The following UGT2B4 variants were observed in gnomAD, a reference collection of about 807,000 sequenced individuals.
UGT2B4 encodes the protein UDP glucuronosyltransferase family 2 member B4, also known as UDP-glucuronosyltransferase 2B4.
A neutral mutation model predicts 49.8 loss-of-function variants in UGT2B4; 49 were observed. The ratio of observed to expected loss-of-function variants is 0.98; its 90% CI spans 0.78 to 1.25. The LOEUF (loss-of-function observed/expected upper bound fraction) is 1.25, where lower values mean the gene tolerates loss of function less well. Among genes scored for constraint, UGT2B4 ranks in the 50% most tolerant of loss-of-function variants. The pLI, the probability that UGT2B4 is intolerant of heterozygous loss-of-function variation, is 0.00. For synonymous variants in UGT2B4, 246 were observed against 217.7 expected, an observed-to-expected ratio of 1.13 and a Z score of -1.14; for missense variants, 729 against 627.7, an observed-to-expected ratio of 1.16 and a Z score of -1.73.
At chr4:69,509,995 T>C (rs1315135603) in intron 1 of UGT2B4, among the ~76,000 whole-genome samples, 2 of 152,176 alleles carry the variant, frequency 1.3e-5, no homozygotes, top group African/African-American at 4.8e-5. Flanking sequence ...AAGTCCTATG[T>C]TTAAGACTTT....
intron 1 of UGT2B4, among the ~76,000 whole-genome samples, chr4:69,505,086 A>G (rs9996012): frequency 0.2 from 29,734 of 152,166 alleles, 2,979 homozygotes; most frequent in Middle Eastern, 0.26. Flanking sequence ...GTAGAAGGAA[A>G]AAAAAGAAAA....
chr4:69,502,402 G>A (rs1000384422), intron 1 of UGT2B4, among the ~76,000 whole-genome samples: 1 of 151,712 alleles, frequency 6.6e-6, no homozygotes, highest in Non-Finnish European at 1.5e-5. Flanking sequence ...TTAGAGGTGT[G>A]TTTGGGCCAG....
chr4:69,491,286 T>A (rs1159558292), intron 2 of UGT2B4, among the ~76,000 whole-genome samples: 1 of 152,112 alleles, frequency 6.6e-6, no homozygotes, highest in South Asian at 2.1e-4. Flanking sequence ...AAAATTATTG[T>A]AATGCTATAG....
At chr4:69,510,917 TTTG>T (rs1397672463) in intron 1 of UGT2B4, among the ~76,000 whole-genome samples, 1 of 151,948 alleles carries the variant, frequency 6.6e-6, no homozygotes, top group African/African-American at 2.4e-5. Flanking sequence ...TCAGTTTGTT[TTTG>T]TTGTTGTTGT....
chr4:69,481,236 T>C (rs1717942449), intron 5 of UGT2B4, among the ~76,000 whole-genome samples: 1 of 150,874 alleles, frequency 6.6e-6, no homozygotes, highest in South Asian at 2.1e-4. Context: ...ACCACTGCAC[T>C]CCAGCCTGGT....
At chr4:69,487,430 C>T (rs1347453671) in intron 3 of UGT2B4, among the ~76,000 whole-genome samples, 3 of 152,086 alleles carry the variant, frequency 2.0e-5, no homozygotes, top group African/African-American at 4.8e-5. Flanking sequence ...AGAACAAGAT[C>T]ATGTATTTTT....
exon 1 of UGT2B4, chr4:69,525,762 A>T (rs200997009): frequency 3.2e-6 from 4 of 1,239,500 alleles, no homozygotes; most frequent in African/African-American, 3.1e-5. Flanking sequence ...AGCAGCTCAC[A>T]TGTTTATATT....
chr4:69,505,748 C>T (rs1051230363), intron 1 of UGT2B4, among the ~76,000 whole-genome samples: 2 of 152,072 alleles, frequency 1.3e-5, no homozygotes, highest in African/African-American at 4.8e-5. Context: ...CCACCCCAAA[C>T]AGAAGAATAT....
intron 1 of UGT2B4, among the ~76,000 whole-genome samples, chr4:69,506,094 T>G (rs891241555): frequency 6.6e-6 from 1 of 152,072 alleles, no homozygotes; most frequent in African/African-American, 2.4e-5. Flanking sequence ...GGAAAATGTA[T>G]AGGACTAAAT....
intron 1 of UGT2B4, among the ~76,000 whole-genome samples, chr4:69,506,822 C>T (rs1180254780): frequency 6.6e-6 from 1 of 152,142 alleles, no homozygotes; most frequent in Non-Finnish European, 1.5e-5. Flanking sequence ...CAAATATCCT[C>T]AACAACACAC....
At chr4:69,514,912 C>T (rs990129452) in intron 1 of UGT2B4, among the ~76,000 whole-genome samples, 26 of 152,090 alleles carry the variant, frequency 1.7e-4, no homozygotes, top group African/African-American at 5.1e-4. Context: ...CAACAAAGAT[C>T]GTTAAGGAAA....
intron 2 of UGT2B4, among the ~76,000 whole-genome samples, chr4:69,489,850 T>TA (rs1727928792): frequency 6.6e-6 from 1 of 152,100 alleles, no homozygotes; most frequent in Admixed American, 6.6e-5. Context: ...TTTGAGGAGA[T>TA]ACCCAAACTC....
upstream of UGT2B4, among the ~76,000 whole-genome samples, chr4:69,496,829 G>T (rs979412373): frequency 3.3e-5 from 5 of 152,048 alleles, no homozygotes; most frequent in South Asian, 2.1e-4. Flanking sequence ...TATTTTAAAG[G>T]TTCATTTATG....
intron 5 of UGT2B4, among the ~76,000 whole-genome samples, chr4:69,482,353 A>G (rs759750586): frequency 6.6e-6 from 1 of 152,208 alleles, no homozygotes; most frequent in African/African-American, 2.4e-5. Flanking sequence ...CATAAAACAC[A>G]TAACATAAGT....
chr4:69,504,842 G>A (rs1308660262), intron 1 of UGT2B4, among the ~76,000 whole-genome samples: 1 of 151,922 alleles, frequency 6.6e-6, no homozygotes, highest in Non-Finnish European at 1.5e-5. Flanking sequence ...AAATGTTACA[G>A]AAAGATAGTG....
intron 5 of UGT2B4, 56 bp downstream of exon 5, chr4:69,485,152 A>G: frequency 6.3e-7 from 1 of 1,580,004 alleles, no homozygotes; most frequent in Non-Finnish European, 8.7e-7. Flanking sequence ...CATACTCACT[A>G]TTCACAAGGG....
chr4:69,502,122 T>TTTCTTTCTTTCTTTCTTTC lies in UGT2B4; in HGVS notation c.-105-6175_-105-6157dup, dbSNP rs1335649928. 7.7e-4 allele frequency among the ~76,000 whole-genome samples: 109 copies of TTTCTTTCTTTCTTTCTTTC among 141,564 alleles called. 4 individuals carry two copies. Among genetic ancestry groups the TTTCTTTCTTTCTTTCTTTC allele is most frequent in the African/African-American group, 2.7e-3 (96 of 36,022 alleles). The allele number at this position is 141,564 out of a possible 152,430, so 92.9% of individuals were successfully genotyped here. ...CTTTCTTTCTTTCTTTCTTTCTTTC[T>TTTCTTTCTTTCTTTCTTTC]TTCTTTCTTTCTTTCTTTCTTTCTT... is the stretch of plus-strand genomic sequence containing the variant. On this transcript the variant is annotated intron_variant, in intron 1 of 1. Coordinates refer to the UGT2B4 transcript ENST00000510114.
intron 1 of UGT2B4, among the ~76,000 whole-genome samples, 188 bp downstream of exon 1, chr4:69,494,953 G>C (rs1272460833): frequency 1.3e-5 from 2 of 152,122 alleles, no homozygotes; most frequent in African/African-American, 2.4e-5. Context: ...TGGCCACAGA[G>C]TTTTAACTGA....
rs750533586 is a variant in UGT2B4, at chr4:69,486,624, G to T, written c.1075C>A (p.Gln359Lys). The part of the protein sequence containing the change: ...LNTRLYKWIP[Q>K]NDLLGHPKTR... ...AGAGACTTACCAAGAAGATCATTCT[G>T]GGGTATCCACTTGTACAGCCGAGTA... is the stretch of plus-strand genomic sequence containing the variant. The change falls in exon 4 of 6, where the codon CAG becomes AAG. Residue 359 changes from glutamine (Q) to lysine (K), a missense_variant. Physicochemically the swap from Gln to Lys is moderately conservative, Grantham distance 53. Transcript: ENST00000305107. The T allele has an allele frequency of 6.2e-7, 1 of 1,602,524 alleles. No individual in the cohort carries two copies. The highest frequency in any genetic ancestry group is 1.7e-5 in the Admixed American group (1 of 57,286).
Sources: allele counts gnomAD v4.1 joint callset (sites outside exome capture counted in the v4.1 genomes callset), GRCh38; gene constraint gnomAD v4.1.1; transcripts MANE v1.5; gene names NCBI Gene and HGNC (gene_info 2026-07-23, HGNC 2026-07-21).